MYO7B: variants seen among roughly 807,000 people sequenced by gnomAD.
The protein encoded by MYO7B is unconventional myosin-VIIb.
A neutral mutation model predicts 259.7 loss-of-function variants in MYO7B; 212 were observed. The observed-to-expected ratio is 0.82, with a 90% CI of 0.73 to 0.91. The LOEUF is 0.91. MYO7B is among the 40% of genes least tolerant of loss of function. The pLI, the probability that MYO7B is intolerant of heterozygous loss-of-function variation, is 0.00. For missense variants in MYO7B, 2,732 were observed against 2,813.5 expected (o/e 0.97, Z 0.66); for synonymous variants, 1,197 against 1,166.4 (o/e 1.03, Z -0.54).
At chr2:127,583,598 G>C (rs1177828736) in intron 12 of MYO7B, among the ~76,000 whole-genome samples, 1 of 152,252 alleles carries the variant, frequency 6.6e-6, no homozygotes, top group Non-Finnish European at 1.5e-5. Context: ...CTTGAGCCGG[G>C]GGTGGTAGGT....
intron 37 of MYO7B, 90 bp downstream of exon 37, chr2:127,631,453 A>C: frequency 1.3e-6 from 2 of 1,542,078 alleles, no homozygotes; most frequent in Non-Finnish European, 8.8e-7. Flanking sequence ...GCTCTAGGGC[A>C]GGAGAGCCCA....
intron 42 of MYO7B, 138 bp downstream of exon 42, chr2:127,634,821 C>A: frequency 1.2e-6 from 1 of 866,082 alleles, no homozygotes; most frequent in Non-Finnish European, 1.8e-6. Flanking sequence ...CAACCAGGCC[C>A]TGGGGCCCGG....
At chr2:127,606,217 G>A (rs1403604623) in intron 20 of MYO7B, among the ~76,000 whole-genome samples, 11 of 152,212 alleles carry the variant, frequency 7.2e-5, no homozygotes, top group Admixed American at 6.5e-4. Flanking sequence ...AATACCTCCT[G>A]TCTTTTCCCA....
At position 127,609,949 on chromosome 2, in the gene MYO7B, G is replaced by A. The variant is rs373300126; in HGVS notation, c.3125G>A (p.Arg1042Gln). ...RSSQQGSSVM[R>Q]QIHDTLGREH... The stretch of plus-strand genomic sequence containing the variant: ...AGCCAGCAGGGCAGCTCAGTGATGC[G>A]GCAGATCCATGACACGCTGGGCAGG... The change falls in exon 24 of 48, where the codon CGG (arginine) becomes CAG (glutamine). Residue 1042 changes from arginine to glutamine, a missense_variant. Transcript: ENST00000409816. The surrounding 1 kb of genome is among the most constrained non-coding windows in gnomAD (Gnocchi z 6.9). 3.9e-5 allele frequency: 62 copies of A among 1,607,606 alleles called. No homozygotes were observed. Among genetic ancestry groups the A allele is most frequent in the Admixed American group, 1.4e-4 (8 of 58,906 alleles).
intron 26 of MYO7B, among the ~76,000 whole-genome samples, chr2:127,619,585 C>A (rs755205099): frequency 2.1e-4 from 32 of 152,016 alleles, no homozygotes; most frequent in Admixed American, 7.2e-4. Flanking sequence ...TCGGTGATGT[C>A]GTGTCGCAGT....
rs1228982281 is a variant in MYO7B at position 127,607,948 on chromosome 2, G to T, written c.2643+524G>T. Among the ~76,000 whole-genome samples the T allele has an allele frequency of 6.6e-6, 1 of 152,188 alleles. No homozygotes were observed. The highest frequency in any genetic ancestry group is 1.5e-5 in the Non-Finnish European group (1 of 68,034). On this transcript the variant is annotated intron_variant, in intron 21 of 47. Transcript: ENST00000409816. The surrounding 1 kb of genome is among the most constrained non-coding windows in gnomAD (Gnocchi z 4.4). ...CCATGGAAGAGAGCAAAGTGTCCTG[G>T]TTACTGGGCTGTGTATGACAGCTCA...
chr2:127,544,464 A>G (rs895934991), intron 1 of MYO7B, among the ~76,000 whole-genome samples: 2 of 152,114 alleles, frequency 1.3e-5, no homozygotes, highest in Non-Finnish European at 1.5e-5. Flanking sequence ...GCTGGAGTGC[A>G]ATGGCACGAT....
intron 26 of MYO7B, among the ~76,000 whole-genome samples, chr2:127,618,721 C>T (rs980769393): frequency 1.3e-5 from 2 of 152,188 alleles, no homozygotes; most frequent in Non-Finnish European, 2.9e-5. Context: ...AGTGGTTTGC[C>T]ATTGTTGGGG....
chr2:127,619,404 T>A (rs376208521), intron 26 of MYO7B, among the ~76,000 whole-genome samples: 3 of 118,780 alleles, frequency 2.5e-5, no homozygotes, highest in East Asian at 2.6e-4. Flanking sequence ...GGGGGCTGGA[T>A]GGATGGTGGG....
intron 7 of MYO7B, among the ~76,000 whole-genome samples, chr2:127,575,384 T>C (rs1233150778): frequency 6.6e-6 from 1 of 152,016 alleles, no homozygotes; most frequent in Admixed American, 6.5e-5. Context: ...TACCCTGAAA[T>C]GGGCAGGAAA....
chr2:127,578,242 A>T lies in MYO7B; in HGVS notation c.959A>T (p.Lys320Met). 1 of 1,613,600 alleles carries T rather than the reference A, an allele frequency of 6.2e-7. No homozygotes were observed. Among genetic ancestry groups the T allele is most frequent in the African/African-American group, 1.3e-5 (1 of 74,938 alleles). Residue 320 changes from lysine (K) to methionine (M), a missense_variant, in exon 9 of 48, where the codon AAG becomes ATG. By Grantham distance (95) the Lys-to-Met change is moderately conservative. This residue lies in a region of MYO7B where 1,906 missense variants were observed against 2,026.4 expected (regional missense o/e 0.94). Coordinates refer to ENST00000409816, the MANE Select transcript of MYO7B (RefSeq NM_001393586.1). ...GACTCCGAGAGCTGGGACGTCATCA[A>T]GCTGCTGGCTGCCATTCTCCACCTG... ...FSDSESWDVIKLLAAILHLGN... is the reference protein window; with the variant it reads ...FSDSESWDVIMLLAAILHLGN...
intron 1 of MYO7B, among the ~76,000 whole-genome samples, chr2:127,557,213 G>T (rs56056404): frequency 0.12 from 17,744 of 151,782 alleles, 1,361 homozygotes; most frequent in South Asian, 0.31. Flanking sequence ...AGAACATTTT[G>T]CATTTCTCTA....
Position 127,634,322 on chromosome 2 carries a change from C to T in MYO7B, c.5625+33C>T, listed in dbSNP as rs188326934. 3.1e-3 allele frequency: 4,652 copies of T among 1,483,242 alleles called. 9 individuals carry two copies. The highest frequency in any genetic ancestry group is 3.9e-3 in the Non-Finnish European group (4,248 of 1,098,228). The allele number at this position is 1,483,242 out of a possible 1,614,324, so 91.9% of individuals were successfully genotyped here. A position where few individuals can be genotyped will look rare whatever the true frequency, so the allele number is the denominator to read the frequency against. ...GGGCTGGGGCTGGGCAGACGGTGGG[C>T]GGACGGGCAGTGAGCGAGGCCCTAG... On this transcript the variant is annotated intron_variant, in intron 41 of 47. Coordinates refer to ENST00000409816, the MANE Select transcript of MYO7B (RefSeq NM_001393586.1).
rs764016869 is a variant in MYO7B at position 127,609,560 on chromosome 2, A to G, written c.2869A>G (p.Met957Val). 4 of 1,613,968 alleles carry G rather than the reference A, an allele frequency of 2.5e-6. No individual in the cohort carries two copies. Among genetic ancestry groups the G allele is most frequent in the African/African-American group, 1.3e-5 (1 of 75,058 alleles). The change falls in exon 23 of 48, where the codon ATG becomes GTG. Residue 957 changes from methionine to valine, a missense_variant. By Grantham distance (21) the Met-to-Val change is conservative. Around this residue, in one of 3 missense-constraint regions of MYO7B, gnomAD observed 1,906 missense variants for 2,026.4 expected, o/e 0.94. Coordinates refer to ENST00000409816, the MANE Select transcript of MYO7B (RefSeq NM_001393586.1). This position sits in a 1 kb window ranked among gnomAD's most constrained non-coding sequence, Gnocchi z 6.9. ...LLEVDLDTVP[M>V]AEEPEEDVDG... ...TGAGGTTGACCTGGACACAGTCCCC[A>G]TGGCGGAGGAGCCTGAGGAGGATGT...
intron 40 of MYO7B, among the ~76,000 whole-genome samples, chr2:127,633,666 C>T (rs1681639512): frequency 6.6e-6 from 1 of 152,142 alleles, no homozygotes; most frequent in Non-Finnish European, 1.5e-5. Flanking sequence ...GGCTTCTGAC[C>T]ATCTGGGGTG....
chr2:127,629,558 A>G (rs1387097819), intron 34 of MYO7B, 87 bp from the exon 35 acceptor site: 13 of 1,328,156 alleles, frequency 9.8e-6, no homozygotes, highest in Non-Finnish European at 1.0e-5. Context: ...CCTCGGTTTC[A>G]TCTGTCAAAG....
chr2:127,545,352 C>T (rs10928770), intron 1 of MYO7B, among the ~76,000 whole-genome samples: 80,592 of 152,086 alleles, frequency 0.53, 22,959 homozygotes, highest in Admixed American at 0.67. Context: ...CACACAGCAG[C>T]GGGCCTCCTG....
At chr2:127,571,450 T>TTG (rs1678615779) in intron 6 of MYO7B, among the ~76,000 whole-genome samples, 2 of 141,188 alleles carry the variant, frequency 1.4e-5, no homozygotes. Flanking sequence ...GAGTTTTTTT[T>TTG]TTTTTTTTTG....
In MYO7B at chr2:127,584,324, T is replaced by G. The variant is rs371192770; in HGVS notation, c.1546T>G (p.Phe516Val). ...CTCCCTCCTGGACGAAGAAAGCCGC[T>G]TCCCGCAGGTGTGTGTTCGGGCCTG... ...IISLLDEESR[F>V]PQGTDLTMLQ... The change falls in exon 13 of 48, where the codon TTC becomes GTC. Residue 516 changes from phenylalanine (F) to valine (V), a missense_variant. Physicochemically the swap from Phe to Val is conservative, Grantham distance 50. Coordinates refer to ENST00000409816, the MANE Select transcript of MYO7B (RefSeq NM_001393586.1). The surrounding 1 kb of genome is among the most constrained non-coding windows in gnomAD (Gnocchi z 5.8). 9.0e-5 allele frequency: 146 copies of G among 1,613,746 alleles called. No individual in the cohort carries two copies. Among genetic ancestry groups the G allele is most frequent in the Non-Finnish European group, 1.1e-4 (132 of 1,179,872 alleles).
Sources: gnomAD v4.1 joint callset for allele counts (sites outside exome capture counted in the v4.1 genomes callset) on GRCh38, gnomAD v4.1.1 for gene constraint, gnomAD v4.1.1 regional missense constraint, Gnocchi (gnomAD v3.1) non-coding constraint, MANE v1.5 for transcripts, NCBI Gene and HGNC (gene_info 2026-07-23, HGNC 2026-07-21) for gene names.